KIAA1549L: variants seen among roughly 807,000 people sequenced by gnomAD.
The protein encoded by KIAA1549L is UPF0606 protein KIAA1549L.
A neutral mutation model predicts 160.7 loss-of-function variants in KIAA1549L; 88 were observed. That is an observed-to-expected ratio of 0.55 (90% CI 0.46 to 0.65). KIAA1549L has a LOEUF of 0.65. Among genes scored for constraint, KIAA1549L ranks in the 30% least tolerant of loss-of-function variants. The pLI is 0.00. For synonymous variants in KIAA1549L, 950 were observed against 976.7 expected (o/e 0.97, Z 0.51); for missense variants, 2,258 against 2,437.5 (o/e 0.93, Z 1.55).
chr11:33,615,603 C>T (rs541471198), intron 15 of KIAA1549L, among the ~76,000 whole-genome samples: 2 of 152,236 alleles, frequency 1.3e-5, no homozygotes, highest in South Asian at 4.2e-4. Context: ...CCATGTTAAA[C>T]AGCAGCCTTT....
At chr11:33,638,441 T>TA (rs1437514139) in intron 16 of KIAA1549L, among the ~76,000 whole-genome samples, 62 of 24,568 alleles carry the variant, frequency 2.5e-3, no homozygotes, top group Admixed American at 5.3e-3. Context: ...AAAAAATAAA[T>TA]AAATAAATAA....
chr11:33,615,636 G>A (rs184451981), intron 15 of KIAA1549L, among the ~76,000 whole-genome samples: 39 of 152,192 alleles, frequency 2.6e-4, no homozygotes, highest in African/African-American at 9.4e-4. Context: ...TTAAGGGGAT[G>A]TTGCCTCCGA....
intron 1 of KIAA1549L, among the ~76,000 whole-genome samples, chr11:33,467,823 C>T (rs577810890): frequency 2.0e-5 from 3 of 152,246 alleles, no homozygotes; most frequent in South Asian, 4.1e-4. Context: ...CTGGCTTGCT[C>T]GTTTCATACC....
intron 1 of KIAA1549L, among the ~76,000 whole-genome samples, chr11:33,435,818 G>GTGTGTGTGTGTATA (rs1554976830): frequency 4.4e-5 from 2 of 45,304 alleles, no homozygotes; most frequent in Non-Finnish European, 8.6e-5. Flanking sequence ...ATATGTGTGT[G>GTGTGTGTGTGTATA]TATATATATA....
intron 15 of KIAA1549L, among the ~76,000 whole-genome samples, chr11:33,612,228 T>C (rs1236848742): frequency 6.6e-6 from 1 of 152,152 alleles, no homozygotes; most frequent in Non-Finnish European, 1.5e-5. Context: ...GGTATTATTC[T>C]TGACACACTC....
In KIAA1549L at chr11:33,541,809, C is replaced by A. The variant is rs1427911560; in HGVS notation, c.246C>A (p.Asp82Glu). 7.4e-6 allele frequency: 2 copies of A among 271,394 alleles called. No individual in the cohort carries two copies. The highest frequency in any genetic ancestry group is 1.5e-5 in the Non-Finnish European group (2 of 132,312). 16.8% of individuals were successfully genotyped at this position (271,394 alleles called of 1,614,324 possible). Residue 82 changes from aspartate to glutamate, a missense_variant, in exon 2 of 21, where the codon GAC (aspartate) becomes GAA (glutamate). By Grantham distance (45) the Asp-to-Glu change is conservative. Transcript: ENST00000658780. The stretch of plus-strand genomic sequence containing the variant: ...TGATATTTTGTTTCACAGGAACAGA[C>A]AATCTACAGATGAATGTCACCCGGA... ...LEHGQADPGT[D>E]NLQMNVTRTP... is the part of the protein sequence containing the mutation.
At chr11:33,667,759 T>C (rs1197506929) in intron 20 of KIAA1549L, 114 bp from the exon 21 acceptor site, 1 of 868,674 alleles carries the variant, frequency 1.2e-6, no homozygotes, top group Non-Finnish European at 1.8e-6. Context: ...CATTTTCTTC[T>C]AAGTTCTCTT....
intron 1 of KIAA1549L, among the ~76,000 whole-genome samples, chr11:33,438,312 A>G (rs904626451): frequency 3.3e-5 from 5 of 152,204 alleles, no homozygotes; most frequent in Non-Finnish European, 7.3e-5. Context: ...TTAGACACAT[A>G]CTTGATGTCC....
intron 1 of KIAA1549L, among the ~76,000 whole-genome samples, chr11:33,423,396 GT>G (rs1164081843): frequency 2.0e-5 from 3 of 152,166 alleles, no homozygotes; most frequent in Non-Finnish European, 2.9e-5. Flanking sequence ...GAAATCAGCA[GT>G]TTATAAATGG....
chr11:33,415,292 G>A (rs1850866639), intron 1 of KIAA1549L, among the ~76,000 whole-genome samples: 1 of 152,162 alleles, frequency 6.6e-6, no homozygotes, highest in African/African-American at 2.4e-5. Context: ...TGCATAAGGT[G>A]CAACTGAGTT....
intron 1 of KIAA1549L, among the ~76,000 whole-genome samples, chr11:33,451,575 C>T (rs1851721512): frequency 6.6e-6 from 1 of 152,194 alleles, no homozygotes. Flanking sequence ...ACTCTCCACT[C>T]TGAGTTAATT....
chr11:33,669,812 C>T lies in KIAA1549L; in HGVS notation c.*1658C>T, dbSNP rs2133471595. ...TGTTCAGAGATGATGTGTCATGGAACCTTCAAACAAGTCTCTTGTTCGGAT... is the reference window on the plus strand; with the variant it reads ...TGTTCAGAGATGATGTGTCATGGAATCTTCAAACAAGTCTCTTGTTCGGAT... On this transcript the variant is annotated 3_prime_UTR_variant, in exon 21 of 21. Transcript: ENST00000658780. The T allele has an allele frequency of 2.0e-5, 3 of 152,322 alleles. No individual in the cohort carries two copies. The South Asian group carries it at 6.2e-4, about 32-fold the overall frequency. The allele number at this position is 152,322 out of a possible 1,614,324, so 9.4% of individuals were successfully genotyped here.
chr11:33,389,686 T>C (rs1317458064), intron 1 of KIAA1549L, among the ~76,000 whole-genome samples: 1 of 152,246 alleles, frequency 6.6e-6, no homozygotes, highest in East Asian at 1.9e-4. Flanking sequence ...TAAACAAGTG[T>C]TTTCCATTCT....
chr11:33,570,820 G>A (rs1855227988), intron 9 of KIAA1549L, among the ~76,000 whole-genome samples: 1 of 152,208 alleles, frequency 6.6e-6, no homozygotes, highest in South Asian at 2.1e-4. Flanking sequence ...AGTAAGGCAA[G>A]TTTTAACTAC....
Position 33,544,948 on chromosome 11 carries a change from C to G in KIAA1549L, c.2955C>G (p.Val985=), listed in dbSNP as rs767739592. ...CGATGACTACTCTTGCTAAAAATGT[C>G]ACAAACAAGGCCGCATCTGGCCCAA... The part of the protein sequence containing the change: ...SSSMTTLAKN[V]TNKAASGPKR... Residue 985 remains valine, a synonymous_variant, in exon 3 of 21, where the codon GTC becomes GTG. Coordinates refer to ENST00000658780, the MANE Select transcript of KIAA1549L (RefSeq NM_012194.3). 1 of 1,613,744 alleles carries G rather than the reference C, an allele frequency of 6.2e-7. No individual in the cohort carries two copies. The highest frequency in any genetic ancestry group is 8.5e-7 in the Non-Finnish European group (1 of 1,179,782).
intron 1 of KIAA1549L, among the ~76,000 whole-genome samples, chr11:33,499,543 G>C (rs1164014567): frequency 1.3e-5 from 2 of 152,208 alleles, no homozygotes; most frequent in Non-Finnish European, 2.9e-5. Flanking sequence ...GATTGAGTGG[G>C]TGAATAGAAT....
At position 33,568,200 on chromosome 11, in the gene KIAA1549L, C is replaced by A. The variant is rs773060024; in HGVS notation, c.4203C>A (p.Ala1401=). The change falls in exon 9 of 21, where the codon GCC becomes GCA. Residue 1401 remains alanine (A), a synonymous_variant. Coordinates refer to ENST00000658780, the MANE Select transcript of KIAA1549L (RefSeq NM_012194.3). The part of the protein sequence containing the change: ...SQQQGRRFKR[A]TTLGSYTVQM... ...AACAAGGCCGGCGGTTTAAACGGGCCACCACCCTGGGAAGCTACACTGTGC... is the reference window on the plus strand; with the variant it reads ...AACAAGGCCGGCGGTTTAAACGGGCAACCACCCTGGGAAGCTACACTGTGC... 2 of 1,613,546 alleles carry A rather than the reference C, an allele frequency of 1.2e-6. No homozygotes were observed. The highest frequency in any genetic ancestry group is 2.2e-5 in the South Asian group (2 of 91,018).
intron 12 of KIAA1549L, among the ~76,000 whole-genome samples, chr11:33,598,191 TG>T (rs1456384003): frequency 1.9e-5 from 1 of 52,342 alleles, no homozygotes; most frequent in African/African-American, 2.5e-4. Context: ...AGAGAATGTT[TG>T]TGTGTGTGTG....
chr11:33,379,105 C>T (rs745802695), intron 1 of KIAA1549L, among the ~76,000 whole-genome samples: 2 of 152,226 alleles, frequency 1.3e-5, no homozygotes, highest in Non-Finnish European at 2.9e-5. Context: ...AAAGTGCTGG[C>T]TTGCTACAGT....
Sources: allele counts gnomAD v4.1 joint callset (sites outside exome capture counted in the v4.1 genomes callset), GRCh38; gene constraint gnomAD v4.1.1; transcripts MANE v1.5; gene names NCBI Gene and HGNC (gene_info 2026-07-23, HGNC 2026-07-21).